Variants in FCGR2A observed in about 807,000 individuals in gnomAD.
The protein encoded by FCGR2A is Fc gamma receptor IIa, also known as low affinity immunoglobulin gamma Fc region receptor II-a.
A neutral mutation model predicts 29.3 loss-of-function variants in FCGR2A; 18 were observed. That is an observed-to-expected ratio of 0.62 (90% CI 0.43 to 0.91). FCGR2A has a LOEUF of 0.91. Ranked by LOEUF, FCGR2A falls within the 40% of genes least tolerant of loss-of-function variation. The pLI, the probability that FCGR2A is intolerant of heterozygous loss-of-function variation, is 0.00. For missense variants in FCGR2A, 287 were observed against 393.0 expected, an observed-to-expected ratio of 0.73 and a Z score of 2.28; for synonymous variants, 126 against 144.8, an observed-to-expected ratio of 0.87 and a Z score of 0.93.
chr1:161,520,826 T>C (rs1676424688), downstream of FCGR2A, among the ~76,000 whole-genome samples: 1 of 152,096 alleles, frequency 6.6e-6, no homozygotes. Context: ...CCCCTTGTGG[T>C]TGGAGTAAAG....
At chr1:161,511,531 G>A (rs1675774913) in intron 5 of FCGR2A, among the ~76,000 whole-genome samples, 2 of 152,338 alleles carry the variant, frequency 1.3e-5, no homozygotes, top group Admixed American at 6.5e-5. Flanking sequence ...ATGCCATGGC[G>A]TGGCCTTTCT....
intron 3 of FCGR2A, among the ~76,000 whole-genome samples, chr1:161,509,341 ATTT>A (rs10712086): frequency 0.1 from 14,961 of 148,484 alleles, 907 homozygotes; most frequent in Middle Eastern, 0.15. Flanking sequence ...TTAAGGCTCT[ATTT>A]TTTTTTTTTT....
downstream of FCGR2A, among the ~76,000 whole-genome samples, chr1:161,522,408 G>T (rs1470352794): frequency 6.6e-6 from 1 of 152,094 alleles, no homozygotes; most frequent in African/African-American, 2.4e-5. Flanking sequence ...CATAGGCTGC[G>T]TTAGGGCTAT....
chr1:161,512,613 GTAGT>G (rs1177588729), intron 5 of FCGR2A, among the ~76,000 whole-genome samples: 1 of 150,332 alleles, frequency 6.7e-6, no homozygotes, highest in Admixed American at 6.7e-5. Flanking sequence ...CTTCCAGACT[GTAGT>G]TAAAGTCAGA....
intron 4 of FCGR2A, 151 bp downstream of exon 4, chr1:161,510,225 A>G: frequency 7.2e-7 from 1 of 1,389,732 alleles, no homozygotes. Flanking sequence ...CTGGCTAAGT[A>G]TTGACCAACA....
At chr1:161,506,967 T>C (rs1251861350) in intron 3 of FCGR2A, among the ~76,000 whole-genome samples, 5 of 152,156 alleles carry the variant, frequency 3.3e-5, no homozygotes, top group African/African-American at 1.2e-4. Flanking sequence ...CTAAAGGCTC[T>C]AAGGCAGGAG....
rs1344338480 is a variant in FCGR2A, at chr1:161,510,074, G to A, written c.619G>A (p.Val207Met). 1 of 1,613,186 alleles carries A rather than the reference G, an allele frequency of 6.2e-7. No individual in the cohort carries two copies. The highest frequency in any genetic ancestry group is 8.5e-7 in the Non-Finnish European group (1 of 1,179,410). Residue 207 changes from valine (V) to methionine (M), a missense_variant and splice_region_variant, in exon 4 of 7, where the codon GTG (valine) becomes ATG (methionine). Transcript: ENST00000271450. ...CAAGCCTGTGACCATCACTGTCCAA[G>A]GTATGGGGAGTCTGCCAAGATGTAG... ...SSKPVTITVQVPSMGSSSPMG... is the reference protein window; with the variant it reads ...SSKPVTITVQMPSMGSSSPMG...
chr1:161,523,901 C>T (rs1447986772), downstream of FCGR2A: 13 of 152,090 alleles, frequency 8.5e-5, no homozygotes, highest in African/African-American at 2.9e-4. Flanking sequence ...AGAATTCTAC[C>T]ACTGAACCAC....
At chr1:161,505,637 C>G in intron 1 of FCGR2A, 85 bp downstream of exon 1, 5 of 1,106,978 alleles carry the variant, frequency 4.5e-6, no homozygotes, top group Non-Finnish European at 6.9e-6. Context: ...AGGAGCAGGC[C>G]TGGGCCCTGG....
chr1:161,506,112 AAGCTTGGGTTC>A, intron 2 of FCGR2A, 105 bp downstream of exon 2: 2 of 1,360,154 alleles, frequency 1.5e-6, no homozygotes, highest in Non-Finnish European at 2.1e-6. Flanking sequence ...ACTGAAAATC[AAGCTTGGGTTC>A]AGCATGGGCA....
At chr1:161,513,339 TC>T (rs1357674743) in intron 5 of FCGR2A, 1 of 136,222 alleles carries the variant, frequency 7.3e-6, no homozygotes, top group Non-Finnish European at 1.6e-5. Flanking sequence ...CTTCCTTCCT[TC>T]CCCCTTCCCT....
chr1:161,521,255 G>T (rs1676438170), downstream of FCGR2A, among the ~76,000 whole-genome samples: 1 of 151,952 alleles, frequency 6.6e-6, no homozygotes, highest in Admixed American at 6.6e-5. Context: ...TCCAGGAGAG[G>T]TCTTTGTCTG....
chr1:161,505,836 C>G, intron 1 of FCGR2A, 151 bp from the exon 2 acceptor site: 1 of 807,078 alleles, frequency 1.2e-6, no homozygotes. Flanking sequence ...GAAGTGAATA[C>G]TTTTATAAAA....
chr1:161,514,747 G>T (rs1346296405), intron 6 of FCGR2A: 1 of 151,674 alleles, frequency 6.6e-6, no homozygotes, highest in Non-Finnish European at 1.5e-5. Flanking sequence ...ACTAGGTCCA[G>T]TATAGTGTAC....
Position 161,518,797 on chromosome 1 carries a change from T to A in FCGR2A, c.*649T>A, listed in dbSNP as rs1131184. 71,866 of 151,374 alleles carry A rather than the reference T, an allele frequency of 0.47. 17,090 individuals carry two copies. The highest frequency in any genetic ancestry group is 0.61 in the African/African-American group (24,667 of 40,366). 9.4% of individuals were successfully genotyped at this position (151,374 alleles called of 1,614,324 possible). A position where few individuals can be genotyped will look rare whatever the true frequency, so the allele number is the denominator to read the frequency against. On this transcript the variant is annotated 3_prime_UTR_variant, in exon 7 of 7. Transcript: ENST00000271450. Reference sequence around the variant, plus strand: ...CTAATTTTTGTATTTTTTATTTTTTTTTTTTAGTAGAGACAGGGTTTCGCA... The same window carrying A: ...CTAATTTTTGTATTTTTTATTTTTTATTTTTAGTAGAGACAGGGTTTCGCA...
intron 4 of FCGR2A, 75 bp downstream of exon 4, chr1:161,510,149 T>C: frequency 1.9e-6 from 3 of 1,589,494 alleles, no homozygotes; most frequent in South Asian, 1.1e-5. Context: ...TGGGCCTACA[T>C]GGAGGTCTGA....
At chr1:161,521,307 A>G (rs10919137), downstream of FCGR2A, among the ~76,000 whole-genome samples, 6 of 152,048 alleles carry the variant, frequency 3.9e-5, no homozygotes, top group East Asian at 1.9e-4. Flanking sequence ...GTCAGTGTCT[A>G]GTGCATAGTA....
At chr1:161,523,869 C>T (rs1413028600), downstream of FCGR2A, 5 of 152,082 alleles carry the variant, frequency 3.3e-5, no homozygotes, top group Middle Eastern at 3.4e-3. Flanking sequence ...GAATCGAACC[C>T]GGGCCTCCCG....
rs113545669 is a variant in FCGR2A, at chr1:161,511,430, G to T, written c.742+474G>T. On this transcript the variant is annotated intron_variant, in intron 5 of 6. Coordinates refer to ENST00000271450, the MANE Select transcript of FCGR2A (RefSeq NM_001136219.3). ...GTTCATAGCCAACACCTCAGTTACT[G>T]ATGATAAGTAAATACAGAGAAACAG... 6.7e-3 allele frequency among the ~76,000 whole-genome samples: 1,017 copies of T among 152,342 alleles called. 11 individuals are homozygous for T. Among genetic ancestry groups the T allele is most frequent in the African/African-American group, 0.023 (967 of 41,560 alleles).
Sources: gnomAD v4.1 joint callset for allele counts (sites outside exome capture counted in the v4.1 genomes callset) on GRCh38, gnomAD v4.1.1 for gene constraint, MANE v1.5 for transcripts, NCBI Gene and HGNC (gene_info 2026-07-23, HGNC 2026-07-21) for gene names.